The following CAMK1D variants were observed in gnomAD, a reference collection of about 807,000 sequenced individuals.
CAMK1D encodes calcium/calmodulin dependent protein kinase ID, also known as calcium/calmodulin-dependent protein kinase type 1D.
In CAMK1D, 9 loss-of-function variants were observed where a neutral mutation model predicts 47.7. That is an observed-to-expected ratio of 0.19 (90% confidence interval 0.11 to 0.33). The LOEUF is 0.33. CAMK1D is among the 10% of genes least tolerant of loss of function. The pLI, the probability that CAMK1D is intolerant of heterozygous loss-of-function variation, is 1.00. For synonymous variants in CAMK1D, 184 were observed against 184.9 expected (o/e 0.99, Z 0.04); for missense variants, 291 against 488.7 (o/e 0.60, Z 3.81).
chr10:12,559,001 G>A (rs1836852389), intron 2 of CAMK1D, among the ~76,000 whole-genome samples: 1 of 152,012 alleles, frequency 6.6e-6, no homozygotes, highest in South Asian at 2.1e-4. Context: ...CACCTAGGAA[G>A]CTCTTAAAAT....
chr10:12,547,682 T>TCTCTCTCACACACACACACACACA (rs10643491), intron 1 of CAMK1D, among the ~76,000 whole-genome samples: 14 of 116,574 alleles, frequency 1.2e-4, no homozygotes, highest in African/African-American at 5.2e-4. Context: ...TTTCTCTCTC[T>TCTCTCTCACACACACACACACACA]CACACACACA....
chr10:12,479,866 A>G (rs1295592590), intron 1 of CAMK1D, among the ~76,000 whole-genome samples: 2 of 152,208 alleles, frequency 1.3e-5, no homozygotes, highest in South Asian at 2.1e-4. Flanking sequence ...AAAATCCACT[A>G]TAACGCAGTC....
chr10:12,717,429 G>A (rs904662629), intron 3 of CAMK1D, among the ~76,000 whole-genome samples: 3 of 152,136 alleles, frequency 2.0e-5, no homozygotes, highest in African/African-American at 7.2e-5. Flanking sequence ...AGAAAAATAG[G>A]CGAAGTTATT....
chr10:12,370,868 A>G (rs1837982929), intron 1 of CAMK1D, among the ~76,000 whole-genome samples: 1 of 152,142 alleles, frequency 6.6e-6, no homozygotes, highest in East Asian at 1.9e-4. Context: ...TCGGCCTCCC[A>G]AAGTGCTGGG....
At chr10:12,554,347 G>T (rs774148412) in intron 2 of CAMK1D, among the ~76,000 whole-genome samples, 1 of 130,574 alleles carries the variant, frequency 7.7e-6, no homozygotes, top group African/African-American at 2.6e-5. Context: ...TAGAGATGAG[G>T]TTTCTCCATG....
intron 3 of CAMK1D, among the ~76,000 whole-genome samples, chr10:12,738,432 C>G (rs1007843284): frequency 6.6e-6 from 1 of 152,190 alleles, no homozygotes; most frequent in Non-Finnish European, 1.5e-5. Context: ...AATTCTTTTT[C>G]TAGGAATGGC....
chr10:12,651,682 G>A (rs143275251), intron 2 of CAMK1D, among the ~76,000 whole-genome samples: 2 of 152,188 alleles, frequency 1.3e-5, no homozygotes, highest in African/African-American at 4.8e-5. Context: ...GATTACAGGC[G>A]TGAGCCATAC....
chr10:12,588,995 G>A (rs146461807), intron 2 of CAMK1D, among the ~76,000 whole-genome samples: 98 of 150,886 alleles, frequency 6.5e-4, no homozygotes, highest in African/African-American at 2.3e-3. Context: ...ATATATAAAG[G>A]GACACATTAT....
chr10:12,815,569 G>A (rs556113874), intron 7 of CAMK1D, among the ~76,000 whole-genome samples: 1 of 152,356 alleles, frequency 6.6e-6, no homozygotes, highest in Admixed American at 6.5e-5. Context: ...AGTCCTTTGG[G>A]CATTGAGGGG....
At chr10:12,421,802 T>G (rs1840060733) in intron 1 of CAMK1D, among the ~76,000 whole-genome samples, 2 of 151,368 alleles carry the variant, frequency 1.3e-5, no homozygotes, top group African/African-American at 4.9e-5. Flanking sequence ...TTCTATTCGC[T>G]TGGGGGCAGG....
At chr10:12,677,370 C>T (rs1840845591) in intron 3 of CAMK1D, among the ~76,000 whole-genome samples, 1 of 152,090 alleles carries the variant, frequency 6.6e-6, no homozygotes, top group African/African-American at 2.4e-5. Context: ...TCTTTGTTCA[C>T]AGCAGATACT....
At chr10:12,455,665 T>C (rs1833220646) in intron 1 of CAMK1D, among the ~76,000 whole-genome samples, 1 of 152,238 alleles carries the variant, frequency 6.6e-6, no homozygotes, top group Non-Finnish European at 1.5e-5. Flanking sequence ...TTGATGGACA[T>C]TTGGTTGTTT....
intron 1 of CAMK1D, among the ~76,000 whole-genome samples, chr10:12,486,642 C>T (rs867426958): frequency 1.3e-5 from 2 of 152,218 alleles, no homozygotes; most frequent in Middle Eastern, 3.2e-3. Context: ...GCCAAAATGC[C>T]AGCTTCTCTG....
intron 1 of CAMK1D, among the ~76,000 whole-genome samples, chr10:12,362,545 T>G (rs1215869463): frequency 6.6e-6 from 1 of 152,222 alleles, no homozygotes; most frequent in Admixed American, 6.5e-5. Flanking sequence ...TCCCCCAGGC[T>G]GGAGTGCAGT....
rs879287861 is a variant in CAMK1D at position 12,751,076 on chromosome 10, GATAAGAT to G, written c.300-9870_300-9864del. 9.3e-3 allele frequency among the ~76,000 whole-genome samples: 415 copies of G among 44,494 alleles called. 10 individuals are homozygous for G. Among genetic ancestry groups the G allele is most frequent in the East Asian group, 0.041 (61 of 1,478 alleles). 29.2% of individuals were successfully genotyped at this position (44,494 alleles called of 152,430 possible). A position where few individuals can be genotyped will look rare whatever the true frequency, so the allele number is the denominator to read the frequency against. ...AATAAGATAAGATAAGATAAGATAA[GATAAGAT>G]AAGATAAGATAAGATAAGATAAGAT... On this transcript the variant is annotated intron_variant, in intron 3 of 10. Transcript: ENST00000619168.
intron 1 of CAMK1D, among the ~76,000 whole-genome samples, chr10:12,424,565 A>G (rs912533974): frequency 2.6e-5 from 4 of 152,178 alleles, no homozygotes; most frequent in South Asian, 2.1e-4. Context: ...GCTTCCTTCT[A>G]TCTTGGCCCC....
At chr10:12,517,125 A>G (rs7079117) in intron 1 of CAMK1D, among the ~76,000 whole-genome samples, 79,768 of 151,986 alleles carry the variant, frequency 0.52, 21,095 homozygotes, top group South Asian at 0.68. Flanking sequence ...ACACCCAAGC[A>G]TTTTATTTTT....
At chr10:12,827,021 G>T (rs1173474502) in intron 10 of CAMK1D, among the ~76,000 whole-genome samples, 1 of 152,248 alleles carries the variant, frequency 6.6e-6, no homozygotes, top group Non-Finnish European at 1.5e-5. Flanking sequence ...ATCCTCTGGG[G>T]GAGGGCTTCA....
At chr10:12,552,808 C>T (rs1230821041) in intron 1 of CAMK1D, among the ~76,000 whole-genome samples, 4 of 152,180 alleles carry the variant, frequency 2.6e-5, no homozygotes, top group Non-Finnish European at 5.9e-5. Context: ...GCGACACGAT[C>T]TCGGCTCACT....
Sources: gnomAD v4.1 joint callset for allele counts (sites outside exome capture counted in the v4.1 genomes callset) on GRCh38, gnomAD v4.1.1 for gene constraint, MANE v1.5 for transcripts, NCBI Gene and HGNC (gene_info 2026-07-23, HGNC 2026-07-21) for gene names.